The following CLN8 variants were observed in gnomAD, a reference collection of about 807,000 sequenced individuals.
The protein encoded by CLN8 is protein CLN8.
CLN8 carries 14 observed loss-of-function variants against 15.7 expected under a neutral mutation model. That is an observed-to-expected ratio of 0.89 (90% confidence interval 0.59 to 1.39). The LOEUF (loss-of-function observed/expected upper bound fraction) is 1.39. Among genes scored for constraint, CLN8 ranks in the 40% most tolerant of loss-of-function variants. CLN8 has a pLI of 0.00. For missense variants in CLN8, 415 were observed against 364.0 expected, an observed-to-expected ratio of 1.14 and a Z score of -1.14; for synonymous variants, 188 against 151.0, an observed-to-expected ratio of 1.25 and a Z score of -1.80.
chr8:1,778,054 G>A (rs2129014462), intron 2 of CLN8, among the ~76,000 whole-genome samples: 1 of 152,294 alleles, frequency 6.6e-6, no homozygotes, highest in South Asian at 2.1e-4. Context: ...ACCTGGTACT[G>A]CCGCTATGGG....
At chr8:1,772,268 T>C (rs562596659) in intron 2 of CLN8, among the ~76,000 whole-genome samples, 33 of 152,228 alleles carry the variant, frequency 2.2e-4, no homozygotes, top group Admixed American at 3.9e-4. Context: ...TGAAGTAATA[T>C]CTGTGCGTAC....
chr8:1,779,457 C>CTGGTCTCAAACTT (rs1480729555), intron 2 of CLN8, among the ~76,000 whole-genome samples: 1 of 152,196 alleles, frequency 6.6e-6, no homozygotes, highest in Middle Eastern at 3.2e-3. Context: ...GTTGGCCAGG[C>CTGGTCTCAAACTT]TGGTCTCAAA....
chr8:1,763,376 C>T (rs1486187134), upstream of CLN8: 80 of 104,568 alleles, frequency 7.7e-4, 12 homozygotes, highest in Admixed American at 5.2e-3. Context: ...CACCCCGCCG[C>T]CCCACAGCGC....
In CLN8 at chr8:1,784,147, T is replaced by G. The variant is rs918661983; in HGVS notation, c.*3580T>G. Reference sequence around the variant, plus strand: ...CTAAAAAAACAAAACTAGCTGGGGGTGGTGGTGCATGCCTGTGGTCCCAGC... The same window carrying G: ...CTAAAAAAACAAAACTAGCTGGGGGGGGTGGTGCATGCCTGTGGTCCCAGC... On this transcript the variant is annotated 3_prime_UTR_variant, in exon 3 of 3. Coordinates refer to ENST00000331222, the MANE Select transcript of CLN8 (RefSeq NM_018941.4). 2.0e-5 allele frequency: 3 copies of G among 151,650 alleles called. No individual in the cohort carries two copies. Among genetic ancestry groups the G allele is most frequent in the African/African-American group, 7.3e-5 (3 of 41,208 alleles). 9.4% of individuals were successfully genotyped at this position (151,650 alleles called of 1,614,324 possible). A position where few individuals can be genotyped will look rare whatever the true frequency, so the allele number is the denominator to read the frequency against.
rs977555321 is a variant in CLN8 at position 1,782,666 on chromosome 8, G to C, written c.*2099G>C. On this transcript the variant is annotated 3_prime_UTR_variant, in exon 3 of 3. Transcript: ENST00000331222. Reference sequence around the variant, plus strand: ...AGCTGGTGTTTTTCAGCCAGACAGAGGCATAATAAAGTGACTGATGTTTAC... The same window carrying C: ...AGCTGGTGTTTTTCAGCCAGACAGACGCATAATAAAGTGACTGATGTTTAC... The C allele has an allele frequency of 6.6e-6, 1 of 152,196 alleles. No individual in the cohort carries two copies. Among genetic ancestry groups the C allele is most frequent in the Non-Finnish European group, 1.5e-5 (1 of 68,028 alleles). 9.4% of individuals were successfully genotyped at this position (152,196 alleles called of 1,614,324 possible).
At chr8:1,757,925 T>C (rs1800709549) in intron 1 of CLN8, among the ~76,000 whole-genome samples, 1 of 152,194 alleles carries the variant, frequency 6.6e-6, no homozygotes, top group Non-Finnish European at 1.5e-5. Flanking sequence ...TTCAGGATCG[T>C]CTAGCTTTCA....
rs1801713355 is a variant in CLN8 at position 1,781,515 on chromosome 8, G to C, written c.*948G>C. On this transcript the variant is annotated 3_prime_UTR_variant, in exon 3 of 3. Coordinates refer to ENST00000331222, the MANE Select transcript of CLN8 (RefSeq NM_018941.4). ...CCCCCACCAACCAGAGCGTGGGCTGGTAAAGATGAAATCTTGCAAGTTTTT... is the reference window on the plus strand; with the variant it reads ...CCCCCACCAACCAGAGCGTGGGCTGCTAAAGATGAAATCTTGCAAGTTTTT... 1 of 152,068 alleles carries C rather than the reference G, an allele frequency of 6.6e-6. No homozygotes were observed. Among genetic ancestry groups the C allele is most frequent in the Admixed American group, 6.5e-5 (1 of 15,274 alleles). 9.4% of individuals were successfully genotyped at this position (152,068 alleles called of 1,614,324 possible). A position where few individuals can be genotyped will look rare whatever the true frequency, so the allele number is the denominator to read the frequency against.
At chr8:1,755,582 T>G (rs757300810), upstream of CLN8, among the ~76,000 whole-genome samples, 2 of 152,176 alleles carry the variant, frequency 1.3e-5, no homozygotes, top group Non-Finnish European at 2.9e-5. Flanking sequence ...CAGCTGCTCT[T>G]TACCTTGAAA....
chr8:1,769,883 A>G (rs1801230243), intron 1 of CLN8, among the ~76,000 whole-genome samples: 1 of 152,200 alleles, frequency 6.6e-6, no homozygotes, highest in African/African-American at 2.4e-5. Flanking sequence ...CTGTGCCCTC[A>G]CAGAGCTTGC....
intron 1 of CLN8, 131 bp from the exon 2 acceptor site, chr8:1,770,801 T>C: frequency 3.4e-6 from 2 of 587,442 alleles, no homozygotes; most frequent in Non-Finnish European, 6.1e-6. Context: ...GGTATGTTTA[T>C]GCACCCTTGT....
At chr8:1,753,059 C>T (rs1049333363), upstream of CLN8, among the ~76,000 whole-genome samples, 6 of 152,192 alleles carry the variant, frequency 3.9e-5, no homozygotes, top group African/African-American at 9.7e-5. Flanking sequence ...ACTATGATGA[C>T]GCAAAGATCT....
chr8:1,773,771 C>G (rs903175088), intron 2 of CLN8: 3 of 152,154 alleles, frequency 2.0e-5, no homozygotes, highest in Non-Finnish European at 4.4e-5. Flanking sequence ...ATTGCCTACT[C>G]CTCTCACCTG....
At chr8:1,775,340 G>C (rs971584364) in intron 2 of CLN8, among the ~76,000 whole-genome samples, 10 of 152,156 alleles carry the variant, frequency 6.6e-5, no homozygotes, top group Admixed American at 6.5e-4. Context: ...GGGAGCCCAG[G>C]AACCAGTCCC....
Position 1,771,357 on chromosome 8 carries a change from C to T in CLN8, c.303C>T (p.Asn101=), listed in dbSNP as rs755831055. The stretch of plus-strand genomic sequence containing the variant: ...CCGACAAGGCGCGTGGCCAGCAGAA[C>T]TGGTGCTGGTTTCACATCACGACAG... The part of the protein sequence containing the change: ...LHADKARGQQ[N]WCWFHITTAT... The change falls in exon 2 of 3, where the codon AAC becomes AAT. Residue 101 remains asparagine, a synonymous_variant. Transcript: ENST00000331222. The T allele has an allele frequency of 3.1e-6, 5 of 1,614,228 alleles. No homozygotes were observed. The highest frequency in any genetic ancestry group is 4.2e-6 in the Non-Finnish European group (5 of 1,180,042).
chr8:1,761,830 AAATAT>A (rs1800804395), upstream of CLN8, among the ~76,000 whole-genome samples: 1 of 152,252 alleles, frequency 6.6e-6, no homozygotes, highest in Non-Finnish European at 1.5e-5. Context: ...AAGGTCTGCA[AAATAT>A]CTCAAGCACT....
At chr8:1,754,290 C>T (rs1352928203), upstream of CLN8, among the ~76,000 whole-genome samples, 1 of 152,208 alleles carries the variant, frequency 6.6e-6, no homozygotes, top group African/African-American at 2.4e-5. Context: ...ATAAATCTGC[C>T]TTTCTTTACC....
intron 2 of CLN8, among the ~76,000 whole-genome samples, chr8:1,777,181 T>C (rs1801554254): frequency 6.6e-6 from 1 of 152,208 alleles, no homozygotes; most frequent in Non-Finnish European, 1.5e-5. Flanking sequence ...CTGAATACTG[T>C]AGGCAAGTGT....
intron 1 of CLN8, among the ~76,000 whole-genome samples, chr8:1,757,651 C>T (rs1375258227): frequency 2.6e-5 from 4 of 152,152 alleles, no homozygotes; most frequent in South Asian, 4.2e-4. Context: ...AGCCTGGTCA[C>T]GAACTCCTGA....
chr8:1,769,448 G>C (rs1801211890), intron 1 of CLN8, among the ~76,000 whole-genome samples: 1 of 152,254 alleles, frequency 6.6e-6, no homozygotes, highest in Non-Finnish European at 1.5e-5. Context: ...AGAGCAGAGG[G>C]TCCAGCTGCG....
Sources: allele counts gnomAD v4.1 joint callset (sites outside exome capture counted in the v4.1 genomes callset), GRCh38; gene constraint gnomAD v4.1.1; transcripts MANE v1.5; gene names NCBI Gene and HGNC (gene_info 2026-07-23, HGNC 2026-07-21).